Variants in ADCY8 observed in about 807,000 individuals in gnomAD.
The protein encoded by ADCY8 is adenylate cyclase type 8.
In ADCY8, 51 loss-of-function variants were observed where a neutral mutation model predicts 119.7. The observed-to-expected ratio is 0.43, with a 90% CI of 0.34 to 0.54. ADCY8 has a LOEUF of 0.54. Among genes scored for constraint, ADCY8 ranks in the 20% least tolerant of loss-of-function variants. The pLI, the probability that ADCY8 is intolerant of heterozygous loss-of-function variation, is 0.03. For missense variants in ADCY8, 1,383 were observed against 1,598.8 expected, an observed-to-expected ratio of 0.87 and a Z score of 2.30; for synonymous variants, 665 against 651.0, an observed-to-expected ratio of 1.02 and a Z score of -0.33.
At chr8:130,988,557 T>C (rs1563757208) in intron 2 of ADCY8, among the ~76,000 whole-genome samples, 1 of 152,176 alleles carries the variant, frequency 6.6e-6, no homozygotes, top group African/African-American at 2.4e-5. Flanking sequence ...AAAAGGAACC[T>C]ATGGTGGAAA....
chr8:130,992,332 C>G (rs1822605748), intron 1 of ADCY8, among the ~76,000 whole-genome samples: 1 of 132,042 alleles, frequency 7.6e-6, no homozygotes, highest in African/African-American at 2.9e-5. Flanking sequence ...GATCTATCCA[C>G]CTTGACCTCT....
chr8:130,963,457 A>G (rs540545481), intron 2 of ADCY8, among the ~76,000 whole-genome samples: 1 of 152,356 alleles, frequency 6.6e-6, no homozygotes, highest in Admixed American at 6.5e-5. Flanking sequence ...AGGCTATGGT[A>G]TGCTGTCTTT....
In ADCY8 at chr8:130,814,069, C is replaced by T; in HGVS notation, c.2913G>A (p.Glu971=). 6.2e-7 allele frequency: 1 copy of T among 1,614,104 alleles called. No individual in the cohort carries two copies. The highest frequency in any genetic ancestry group is 2.2e-5 in the East Asian group (1 of 44,884). Residue 971 remains glutamate, a splice_region_variant and synonymous_variant, in exon 14 of 18, where the codon GAG becomes GAA. Coordinates refer to ENST00000286355, the MANE Select transcript of ADCY8 (RefSeq NM_001115.3). Reference sequence around the variant, plus strand: ...CTGGCTAGACCAGCCCCTGGCTCACCTCATTGTCTCGGTCCTTCTCTAGGA... The same window carrying T: ...CTGGCTAGACCAGCCCCTGGCTCACTTCATTGTCTCGGTCCTTCTCTAGGA... The part of the protein sequence containing the change: ...RHFLEKDRDN[E]ELYSQSYDAV...
At chr8:130,972,677 G>T (rs1434977217) in intron 2 of ADCY8, among the ~76,000 whole-genome samples, 1 of 152,100 alleles carries the variant, frequency 6.6e-6, no homozygotes, top group Non-Finnish European at 1.5e-5. Flanking sequence ...CATTTAAAAT[G>T]AATATTCTTT....
intron 5 of ADCY8, among the ~76,000 whole-genome samples, chr8:130,933,630 T>G (rs570423261): frequency 2.4e-4 from 36 of 152,326 alleles, no homozygotes; most frequent in Non-Finnish European, 2.8e-4. Flanking sequence ...AGATTTTGAT[T>G]CATACAGTTT....
chr8:130,901,242 CTTTTTTTTT>C (rs34424673), intron 7 of ADCY8, among the ~76,000 whole-genome samples: 24 of 115,574 alleles, frequency 2.1e-4, no homozygotes, highest in African/African-American at 7.5e-4. Context: ...CATCCCTCCT[CTTTTTTTTT>C]TTTTTTTTTT....
At chr8:130,907,652 A>T (rs117434114) in intron 6 of ADCY8, among the ~76,000 whole-genome samples, 326 of 152,298 alleles carry the variant, frequency 2.1e-3, no homozygotes, top group Admixed American at 5.8e-3. Flanking sequence ...CAGACTCATG[A>T]CTCATGATAT....
At position 130,871,419 on chromosome 8, in the gene ADCY8, A is replaced by C. The variant is rs143019110; in HGVS notation, c.2110-3473T>G. Among the ~76,000 whole-genome samples the C allele has an allele frequency of 1.8e-3, 273 of 152,300 alleles. 1 individual carries two copies. The highest frequency in any genetic ancestry group is 6.2e-3 in the African/African-American group (257 of 41,562). On this transcript the variant is annotated intron_variant, in intron 8 of 17. Coordinates refer to ENST00000286355, the MANE Select transcript of ADCY8 (RefSeq NM_001115.3). The stretch of plus-strand genomic sequence containing the variant: ...CTTGGACAAAATCTTTAAGCTTTCT[A>C]TGTCTCAGTTTCCTTATCTAGAAAA...
At chr8:130,855,291 T>C (rs1817692235) in intron 9 of ADCY8, among the ~76,000 whole-genome samples, 1 of 151,836 alleles carries the variant, frequency 6.6e-6, no homozygotes, top group African/African-American at 2.4e-5. Context: ...ACAAAATGAG[T>C]TGGAGAGGGA....
chr8:130,988,729 G>T (rs1442983849), intron 2 of ADCY8, among the ~76,000 whole-genome samples: 1 of 152,068 alleles, frequency 6.6e-6, no homozygotes, highest in Admixed American at 6.6e-5. Context: ...TAGAGAGAAT[G>T]GTGGATGATT....
At chr8:130,804,160 G>A (rs1815871803) in intron 14 of ADCY8, among the ~76,000 whole-genome samples, 1 of 152,156 alleles carries the variant, frequency 6.6e-6, no homozygotes, top group South Asian at 2.1e-4. Flanking sequence ...ATTACCTATA[G>A]TATTTGTTTG....
intron 4 of ADCY8, among the ~76,000 whole-genome samples, chr8:130,942,374 A>G (rs1820981650): frequency 6.6e-6 from 1 of 152,272 alleles, no homozygotes; most frequent in South Asian, 2.1e-4. Flanking sequence ...CTGTGTTTCC[A>G]TGGCCCCCAG....
intron 5 of ADCY8, among the ~76,000 whole-genome samples, chr8:130,921,721 G>C (rs1318998637): frequency 6.6e-6 from 1 of 152,022 alleles, no homozygotes; most frequent in Admixed American, 6.6e-5. Context: ...CCAAAGTGCT[G>C]GGATTACAGG....
chr8:130,849,118 G>A (rs77930142), intron 10 of ADCY8, among the ~76,000 whole-genome samples: 1,951 of 152,150 alleles, frequency 0.013, 22 homozygotes, highest in Non-Finnish European at 0.02. Context: ...GAGGGGCGTG[G>A]GTCATGGAGT....
chr8:131,036,511 C>T (rs894571265), intron 1 of ADCY8, among the ~76,000 whole-genome samples: 2 of 152,148 alleles, frequency 1.3e-5, no homozygotes, highest in African/African-American at 4.8e-5. Context: ...CATTTTTCTA[C>T]AGGCCGAGGA....
At chr8:130,809,434 C>T (rs1816090423) in intron 14 of ADCY8, among the ~76,000 whole-genome samples, 1 of 152,214 alleles carries the variant, frequency 6.6e-6, no homozygotes, top group Non-Finnish European at 1.5e-5. Flanking sequence ...GATACCTTTG[C>T]TCTGGCCTGT....
intron 15 of ADCY8, among the ~76,000 whole-genome samples, chr8:130,796,416 A>T (rs1815579758): frequency 6.6e-6 from 1 of 152,090 alleles, no homozygotes; most frequent in Non-Finnish European, 1.5e-5. Flanking sequence ...GTTATTGCAA[A>T]CACAGTCTTG....
chr8:130,811,084 C>T (rs908174156), intron 14 of ADCY8, among the ~76,000 whole-genome samples: 2 of 152,200 alleles, frequency 1.3e-5, no homozygotes, highest in African/African-American at 4.8e-5. Context: ...AACAAAGACA[C>T]TGACCTTAGG....
intron 5 of ADCY8, among the ~76,000 whole-genome samples, chr8:130,911,730 A>G (rs1819987231): frequency 6.7e-6 from 1 of 150,214 alleles, no homozygotes; most frequent in Non-Finnish European, 1.5e-5. Flanking sequence ...TGTATATTTT[A>G]TGGTATATAT....
Sources: gnomAD v4.1 joint callset for allele counts (sites outside exome capture counted in the v4.1 genomes callset) on GRCh38, gnomAD v4.1.1 for gene constraint, MANE v1.5 for transcripts, NCBI Gene and HGNC (gene_info 2026-07-23, HGNC 2026-07-21) for gene names.